FGD4: variants seen among roughly 807,000 people sequenced by gnomAD.
The protein encoded by FGD4 is FYVE, RhoGEF and PH domain containing 4.
Under a neutral mutation model 102.0 loss-of-function variants are expected in FGD4, and 42 were observed. The observed-to-expected ratio is 0.41, with a 90% CI of 0.32 to 0.53. FGD4 has a LOEUF of 0.53. FGD4 is among the 20% of genes least tolerant of loss of function. FGD4 has a pLI of 0.21. For missense variants in FGD4, 902 were observed against 1,078.2 expected, an observed-to-expected ratio of 0.84 and a Z score of 2.29; for synonymous variants, 380 against 375.7, an observed-to-expected ratio of 1.01 and a Z score of -0.13.
At chr12:32,430,176 C>T (rs990419983) in intron 1 of FGD4, among the ~76,000 whole-genome samples, 6 of 152,030 alleles carry the variant, frequency 3.9e-5, no homozygotes, top group African/African-American at 1.4e-4. Context: ...GGTGTGGTAG[C>T]AGGCATCTGT....
intron 1 of FGD4, among the ~76,000 whole-genome samples, chr12:32,431,059 G>C (rs1942025778): frequency 6.6e-6 from 1 of 152,170 alleles, no homozygotes; most frequent in Non-Finnish European, 1.5e-5. Flanking sequence ...TGAACAACTG[G>C]TATGTTTTCG....
At chr12:32,478,066 G>C (rs1182226121) in intron 1 of FGD4, among the ~76,000 whole-genome samples, 2 of 152,186 alleles carry the variant, frequency 1.3e-5, no homozygotes, top group African/African-American at 2.4e-5. Flanking sequence ...TTAATGCCCT[G>C]TGACAACAGT....
At chr12:32,540,261 G>T (rs1192130281) in intron 1 of FGD4, among the ~76,000 whole-genome samples, 1 of 152,130 alleles carries the variant, frequency 6.6e-6, no homozygotes, top group Non-Finnish European at 1.5e-5. Context: ...CATAGGAGAG[G>T]TACAAAATAT....
At chr12:32,598,429 C>A (rs775223777) in intron 4 of FGD4, 68 bp from the exon 5 acceptor site, 203 of 1,075,312 alleles carry the variant, frequency 1.9e-4, no homozygotes, top group Non-Finnish European at 2.4e-4. Flanking sequence ...TTTGAAGAAG[C>A]GTTTTTTACT....
At chr12:32,505,742 C>T (rs1046908089) in intron 1 of FGD4, among the ~76,000 whole-genome samples, 2 of 152,128 alleles carry the variant, frequency 1.3e-5, no homozygotes, top group Non-Finnish European at 2.9e-5. Flanking sequence ...GCTAATTGTT[C>T]TTTTGTAACA....
intron 1 of FGD4, among the ~76,000 whole-genome samples, chr12:32,442,084 C>T (rs1434622384): frequency 6.2e-5 from 9 of 145,640 alleles, no homozygotes; most frequent in African/African-American, 2.3e-4. Context: ...GACGGAGTCT[C>T]GCTGTGTCAC....
chr12:32,540,425 G>A (rs986722336), intron 1 of FGD4, among the ~76,000 whole-genome samples: 10 of 152,190 alleles, frequency 6.6e-5, no homozygotes, highest in African/African-American at 2.4e-4. Flanking sequence ...AAAGCAGAGA[G>A]AAACATATGA....
At chr12:32,621,468 A>C (rs1949841467) in intron 11 of FGD4, among the ~76,000 whole-genome samples, 1 of 152,134 alleles carries the variant, frequency 6.6e-6, no homozygotes, top group Non-Finnish European at 1.5e-5. Flanking sequence ...CCTTTCCATC[A>C]TTAGCTTATG....
intron 1 of FGD4, among the ~76,000 whole-genome samples, chr12:32,526,906 A>T (rs1404858304): frequency 1.3e-5 from 2 of 152,186 alleles, no homozygotes; most frequent in African/African-American, 4.8e-5. Context: ...TTCCGAACAC[A>T]TTTTAACTCA....
intron 1 of FGD4, among the ~76,000 whole-genome samples, chr12:32,428,177 G>T (rs999430476): frequency 2.6e-5 from 4 of 151,962 alleles, no homozygotes; most frequent in Non-Finnish European, 5.9e-5. Context: ...TTACAATTTG[G>T]TATGTTTTTG....
rs989576032 is a variant in FGD4, at chr12:32,582,286, C to T, written c.830C>T (p.Ala277Val). 17 of 1,614,254 alleles carry T rather than the reference C, an allele frequency of 1.1e-5. No homozygotes were observed. Among genetic ancestry groups the T allele is most frequent in the Non-Finnish European group, 1.4e-5 (17 of 1,180,046 alleles). The part of the protein sequence containing the change: ...GERDETATAP[A>V]SPTTDSCDGN... ...AGAGATGAAACTGCCACAGCTCCTG[C>T]ATCACCCACAACAGACAGCTGTGAT... is the stretch of plus-strand genomic sequence containing the variant. Residue 277 changes from alanine to valine, a missense_variant, in exon 4 of 17, where the codon GCA (alanine) becomes GTA (valine). Physicochemically the swap from Ala to Val is moderately conservative, Grantham distance 64. Around this residue, in one of 2 missense-constraint regions of FGD4, gnomAD observed 443 missense variants for 459.2 expected, o/e 0.96. Transcript: ENST00000534526.
chr12:32,470,463 C>CTTTT (rs551854980), intron 1 of FGD4, among the ~76,000 whole-genome samples: 2 of 130,838 alleles, frequency 1.5e-5, no homozygotes, highest in African/African-American at 2.8e-5. Flanking sequence ...TTTTCTTTTT[C>CTTTT]TTTTTTTTTT....
chr12:32,476,984 T>G (rs972041267), intron 1 of FGD4, among the ~76,000 whole-genome samples: 4 of 152,148 alleles, frequency 2.6e-5, no homozygotes, highest in African/African-American at 9.7e-5. Flanking sequence ...AGTAATTGTT[T>G]ACTACTTGAA....
At chr12:32,595,815 T>G (rs1038316933) in intron 4 of FGD4, among the ~76,000 whole-genome samples, 2 of 152,224 alleles carry the variant, frequency 1.3e-5, no homozygotes, top group Non-Finnish European at 2.9e-5. Flanking sequence ...AGTTCTTATT[T>G]CCATATTTCT....
At chr12:32,516,291 G>A (rs1037440897) in intron 1 of FGD4, among the ~76,000 whole-genome samples, 8 of 152,204 alleles carry the variant, frequency 5.3e-5, no homozygotes, top group South Asian at 2.1e-4. Flanking sequence ...CCAGGTGTGC[G>A]CCACCATGCC....
intron 5 of FGD4, 70 bp from the exon 6 acceptor site, chr12:32,601,208 T>A: frequency 6.7e-7 from 1 of 1,501,106 alleles, no homozygotes; most frequent in Non-Finnish European, 9.1e-7. Flanking sequence ...GAGCCCACTA[T>A]GTGCCTAGCA....
intron 4 of FGD4, among the ~76,000 whole-genome samples, chr12:32,591,713 A>C (rs1947486943): frequency 6.6e-6 from 1 of 152,182 alleles, no homozygotes; most frequent in South Asian, 2.1e-4. Flanking sequence ...AAAAGGTCTG[A>C]ACAGAGCTGC....
At chr12:32,521,192 TC>T (rs1342365809) in intron 1 of FGD4, among the ~76,000 whole-genome samples, 1 of 151,662 alleles carries the variant, frequency 6.6e-6, no homozygotes, top group Admixed American at 6.6e-5. Context: ...ATCGAGACCA[TC>T]CTGGCCAACG....
At chr12:32,637,081 G>T (rs1220639260) in intron 15 of FGD4, among the ~76,000 whole-genome samples, 1 of 144,966 alleles carries the variant, frequency 6.9e-6, no homozygotes, top group Non-Finnish European at 1.5e-5. Flanking sequence ...TAGAGGCAGG[G>T]TTTCACTGTG....
Sources: gnomAD v4.1 joint callset for allele counts (sites outside exome capture counted in the v4.1 genomes callset) on GRCh38, gnomAD v4.1.1 for gene constraint, gnomAD v4.1.1 regional missense constraint, MANE v1.5 for transcripts, NCBI Gene and HGNC (gene_info 2026-07-23, HGNC 2026-07-21) for gene names.